Variants in CRIP3 observed in about 807,000 individuals in gnomAD.
CRIP3 encodes cysteine rich protein 3, also known as cysteine-rich protein 3.
In CRIP3, 23 loss-of-function variants were observed where a neutral mutation model predicts 30.3. The observed-to-expected ratio is 0.76, with a 90% CI of 0.55 to 1.08. CRIP3 has a LOEUF of 1.08. Ranked by LOEUF, CRIP3 falls within the 50% of genes least tolerant of loss-of-function variation. The pLI is 0.00. For synonymous variants in CRIP3, 89 were observed against 97.6 expected, an observed-to-expected ratio of 0.91 and a Z score of 0.52; for missense variants, 261 against 259.3, an observed-to-expected ratio of 1.01 and a Z score of -0.04.
At chr6:43,307,436 A>C in intron 4 of CRIP3, 176 bp downstream of exon 4, 5 of 510,564 alleles carry the variant, frequency 9.8e-6, no homozygotes, top group Non-Finnish European at 3.1e-6. Flanking sequence ...ACATGAGGGA[A>C]TAGAAAGAAA....
intron 2 of CRIP3, 115 bp downstream of exon 2, chr6:43,308,200 G>C: frequency 1.0e-6 from 1 of 954,440 alleles, no homozygotes; most frequent in Non-Finnish European, 1.6e-6. Flanking sequence ...GGCGGCCTTG[G>C]GGTTGGCTAC....
At position 43,308,363 on chromosome 6, in the gene CRIP3, C is replaced by G; in HGVS notation, c.90G>C (p.Leu30=). 1.2e-6 allele frequency: 2 copies of G among 1,612,810 alleles called. No homozygotes were observed. The highest frequency in any genetic ancestry group is 2.2e-5 in the South Asian group (2 of 90,820). ...GGATGCTGTGGCAGCGCTCACATTT[C>G]AGGCAGAAGCGGTGCCAGTTCTTGC... ...SLGKNWHRFC[L]KCERCHSILS... The change falls in exon 2 of 8, where the codon CTG becomes CTC. Residue 30 remains leucine, a synonymous_variant. Coordinates refer to ENST00000372569, the MANE Select transcript of CRIP3 (RefSeq NM_206922.3).
intron 1 of CRIP3, 119 bp downstream of exon 1, chr6:43,308,631 C>T: frequency 7.7e-7 from 1 of 1,295,688 alleles, no homozygotes; most frequent in Non-Finnish European, 1.1e-6. Flanking sequence ...CGGAGACTAC[C>T]AGCCGCTGCA....
chr6:43,308,228 G>A, intron 2 of CRIP3, 87 bp downstream of exon 2: 1 of 1,203,898 alleles, frequency 8.3e-7, no homozygotes. Context: ...CCCTTTGGCA[G>A]GCCTCCAGTG....
chr6:43,307,741 C>A lies in CRIP3; in HGVS notation c.199G>T (p.Val67Leu), dbSNP rs199501421. 5.6e-6 allele frequency: 9 copies of A among 1,597,816 alleles called. No individual in the cohort carries two copies. Among genetic ancestry groups the A allele is most frequent in the East Asian group, 4.5e-5 (2 of 44,358 alleles). ...CYGALFGPRG[V>L]NIGGVGSYLY... ...TAGGAGCCTACACCACCAATGTTCA[C>A]CCCTGAAGAGAGAATAGGGGAGGTC... Residue 67 changes from valine (V) to leucine (L), a missense_variant and splice_region_variant, in exon 4 of 8, where the codon GTG (valine) becomes TTG (leucine). Transcript: ENST00000372569.
rs746450466 is a variant in CRIP3, at chr6:43,308,318, T to G, written c.135A>C (p.Ala45=). 2.7e-5 allele frequency: 44 copies of G among 1,612,090 alleles called. No individual in the cohort carries two copies. In the East Asian group the frequency reaches 9.6e-4, roughly 35 times the overall value. Residue 45 remains alanine, a synonymous_variant, in exon 2 of 8, where the codon GCA becomes GCC. Coordinates refer to ENST00000372569, the MANE Select transcript of CRIP3 (RefSeq NM_206922.3). The part of the protein sequence containing the change: ...CHSILSPGGH[A]EHNGRPYCHK... ...GTGCTCCCTGGCCAGGTCTTACCTC[T>G]GCATGCCCGCCAGGGGACAGGATGC...
chr6:43,308,178 G>A (rs1778986060), intron 2 of CRIP3, 137 bp downstream of exon 2: 4 of 770,718 alleles, frequency 5.2e-6, no homozygotes, highest in Non-Finnish European at 6.3e-6. Context: ...CTGGTGTGGG[G>A]TCCACCAGGT....
chr6:43,306,810 C>G (rs1778944151), intron 4 of CRIP3: 1 of 357,666 alleles, frequency 2.8e-6, no homozygotes, highest in African/African-American at 2.1e-5. Flanking sequence ...CCTCAGGAAA[C>G]TTGAGCTGAT....
chr6:43,308,802 C>A lies in CRIP3; in HGVS notation c.-10G>T, dbSNP rs886317276. ...GACAGGTCCAGCTCATAGCTCCGCT[C>A]CAGGCAGCGCACGCGGCACACAGTA... is the stretch of plus-strand genomic sequence containing the variant. On this transcript the variant is annotated 5_prime_UTR_variant, in exon 1 of 8. Coordinates refer to ENST00000372569, the MANE Select transcript of CRIP3 (RefSeq NM_206922.3). The A allele has an allele frequency of 6.2e-7, 1 of 1,613,982 alleles. No homozygotes were observed. The highest frequency in any genetic ancestry group is 1.3e-5 in the African/African-American group (1 of 75,054).
chr6:43,307,882 T>C lies in CRIP3; in HGVS notation c.153A>G (p.Pro51=), dbSNP rs772894256. ...CCCCATAGCATGGCTTGTGGCAGTA[T>C]GGCCTCCCATTGTGCTGGGCACAAG... is the stretch of plus-strand genomic sequence containing the variant. ...PGGHAEHNGR[P]YCHKPCYGAL... is the part of the protein sequence containing the mutation. The change falls in exon 3 of 8, where the codon CCA becomes CCG. Residue 51 remains proline (P), a synonymous_variant. Transcript: ENST00000372569. 16 of 1,613,612 alleles carry C rather than the reference T, an allele frequency of 9.9e-6. No homozygotes were observed. The African/African-American group carries it at 1.9e-4, about 19-fold the overall frequency.
rs1166862127 is a variant in CRIP3 at position 43,308,491 on chromosome 6, G to T, written c.44-82C>A. On this transcript the variant is annotated intron_variant, in intron 1 of 7. Transcript: ENST00000372569. ...TCCTTTCCCTCTTCGGCCCTCTAGG[G>T]AATTAGGTTGGCCTGCCCTGCTTCC... 8 of 1,287,196 alleles carry T rather than the reference G, an allele frequency of 6.2e-6. No individual in the cohort carries two copies. The East Asian group carries it at 1.5e-4, about 24-fold the overall frequency. 79.7% of individuals were successfully genotyped at this position (1,287,196 alleles called of 1,614,324 possible). A position where few individuals can be genotyped will look rare whatever the true frequency, so the allele number is the denominator to read the frequency against.
At chr6:43,305,954 G>T (rs1053774567) in intron 7 of CRIP3, 79 bp from the exon 8 acceptor site, 1 of 1,611,044 alleles carries the variant, frequency 6.2e-7, no homozygotes, top group African/African-American at 1.3e-5. Flanking sequence ...TGGTGGGGGG[G>T]CCAGGGTATG....
Position 43,306,321 on chromosome 6 carries a change from T to C in CRIP3, c.401-8A>G. The C allele has an allele frequency of 6.2e-7, 1 of 1,613,822 alleles. No individual in the cohort carries two copies. On this transcript the variant is annotated splice_region_variant and splice_polypyrimidine_tract_variant and intron_variant, in intron 5 of 7. Coordinates refer to ENST00000372569, the MANE Select transcript of CRIP3 (RefSeq NM_206922.3). ...ATGACATCACCTTCTCAGCTGGTGG[T>C]GGAAAGAAGTGGTAATGCTTCCATT... is the stretch of plus-strand genomic sequence containing the variant.
chr6:43,307,132 C>CTTT (rs57187463), intron 4 of CRIP3: 23 of 54,396 alleles, frequency 4.2e-4, no homozygotes, highest in East Asian at 1.1e-3. Context: ...CAATTAACCT[C>CTTT]TTTTTTTTTT....
At chr6:43,306,721 TCTGCTTCCTTCTC>T in intron 4 of CRIP3, 1 of 541,858 alleles carries the variant, frequency 1.8e-6, no homozygotes, top group African/African-American at 1.9e-5. Flanking sequence ...TTAGGGACTA[TCTGCTTCCTTCTC>T]CTGCTTCCTT....
chr6:43,307,983 T>C, intron 2 of CRIP3, 87 bp from the exon 3 acceptor site: 2 of 1,455,458 alleles, frequency 1.4e-6, no homozygotes, highest in Non-Finnish European at 1.9e-6. Flanking sequence ...CTGCCAGGTG[T>C]GTCTGTCCAC....
At chr6:43,306,039 T>A in intron 7 of CRIP3, 28 bp downstream of exon 7, 1 of 1,610,152 alleles carries the variant, frequency 6.2e-7, no homozygotes, top group Non-Finnish European at 8.5e-7. Context: ...GTACATGCCA[T>A]CCCAGTGTCT....
In CRIP3 at chr6:43,306,874, C is replaced by T. The variant is rs191076667; in HGVS notation, c.329-357G>A. ...GGTGTTGGGGAGCACAGTGTCATTG[C>T]CTACTTCAGGGAATGGAGGGAAAGA... On this transcript the variant is annotated intron_variant, in intron 4 of 7. Coordinates refer to ENST00000372569, the MANE Select transcript of CRIP3 (RefSeq NM_206922.3). The T allele has an allele frequency of 8.2e-3, 1,767 of 214,576 alleles. 23 individuals are homozygous for T. Among genetic ancestry groups the T allele is most frequent in the Non-Finnish European group, 0.013 (1,416 of 107,686 alleles). 13.3% of individuals were successfully genotyped at this position (214,576 alleles called of 1,614,324 possible). A position where few individuals can be genotyped will look rare whatever the true frequency, so the allele number is the denominator to read the frequency against.
At position 43,306,095 on chromosome 6, in the gene CRIP3, G is replaced by A. The variant is rs371312241; in HGVS notation, c.525C>T (p.Pro175=). The change falls in exon 7 of 8, where the codon CCC becomes CCT. Residue 175 remains proline (P), a synonymous_variant. Coordinates refer to ENST00000372569, the MANE Select transcript of CRIP3 (RefSeq NM_206922.3). Reference sequence around the variant, plus strand: ...TGGGGCCAAACAGGTAGCCGTAGCAGGGGACGTGGCAGTAGGGGACTCCAT... The same window carrying A: ...TGGGGCCAAACAGGTAGCCGTAGCAAGGGACGTGGCAGTAGGGGACTCCAT... ...EHDGVPYCHV[P]CYGYLFGPKG... is the part of the protein sequence containing the mutation. The A allele has an allele frequency of 5.6e-6, 9 of 1,613,816 alleles. No individual in the cohort carries two copies. In the African/African-American group the frequency reaches 1.2e-4, roughly 22 times the overall value.
Sources: allele counts gnomAD v4.1 joint callset, GRCh38; gene constraint gnomAD v4.1.1; transcripts MANE v1.5; gene names NCBI Gene and HGNC (gene_info 2026-07-23, HGNC 2026-07-21).